The following RAD54L2 variants were observed in gnomAD, a reference collection of about 807,000 sequenced individuals.
RAD54L2 encodes the protein helicase ARIP4.
A neutral mutation model predicts 138.4 loss-of-function variants in RAD54L2; 27 were observed. The ratio of observed to expected loss-of-function variants is 0.20; its 90% CI spans 0.14 to 0.27. The LOEUF (loss-of-function observed/expected upper bound fraction) is 0.27, where lower values mean the gene tolerates loss of function less well. RAD54L2 is among the 10% of genes least tolerant of loss of function. The pLI, the probability that RAD54L2 is intolerant of heterozygous loss-of-function variation, is 1.00. For synonymous variants in RAD54L2, 644 were observed against 723.2 expected (o/e 0.89, Z 1.76); for missense variants, 1,396 against 1,890.2 (o/e 0.74, Z 4.85).
intron 3 of RAD54L2, among the ~76,000 whole-genome samples, chr3:51,606,047 G>A (rs898297891): frequency 6.6e-6 from 1 of 152,210 alleles, no homozygotes; most frequent in Non-Finnish European, 1.5e-5. Flanking sequence ...AGAGACCTGT[G>A]AGAGCACTGC....
chr3:51,646,300 G>A lies in RAD54L2; in HGVS notation c.2845G>A (p.Glu949Lys). The A allele has an allele frequency of 6.3e-7, 1 of 1,591,456 alleles. No individual in the cohort carries two copies. The change falls in exon 19 of 23, where the codon GAG becomes AAG. Residue 949 changes from glutamate to lysine, a missense_variant. Physicochemically the swap from Glu to Lys is moderately conservative, Grantham distance 56. Coordinates refer to ENST00000684192, the MANE Select transcript of RAD54L2 (RefSeq NM_015106.4). Reference protein sequence around the residue: ...HLITKEPFEHESLLLNRKDHK... With the variant: ...HLITKEPFEHKSLLLNRKDHK... ...GTGTCCCCAGGAGCCTTTCGAGCAT[G>A]AGTCATTGCTCTTGAACCGAAAGGA...
chr3:51,624,150 T>TTTTG (rs748897893), intron 3 of RAD54L2, among the ~76,000 whole-genome samples: 15 of 152,018 alleles, frequency 9.9e-5, no homozygotes, highest in African/African-American at 2.9e-4. Flanking sequence ...AGCAGCTGTT[T>TTTTG]TTTGTTTGTT....
At chr3:51,545,598 CAG>C (rs1322360050) in intron 2 of RAD54L2, among the ~76,000 whole-genome samples, 5 of 151,598 alleles carry the variant, frequency 3.3e-5, no homozygotes, top group Non-Finnish European at 7.4e-5. Flanking sequence ...TGTTTTGAGA[CAG>C]AGTCTCTCTC....
intron 7 of RAD54L2, 77 bp from the exon 8 acceptor site, chr3:51,633,500 A>G: frequency 1.4e-6 from 2 of 1,397,384 alleles, no homozygotes; most frequent in South Asian, 2.5e-5. Flanking sequence ...CTTAATTCTT[A>G]CTAATTACAA....
intron 2 of RAD54L2, among the ~76,000 whole-genome samples, chr3:51,546,031 T>C (rs1218711524): frequency 2.0e-5 from 3 of 147,966 alleles, no homozygotes; most frequent in Non-Finnish European, 4.5e-5. Context: ...CTCTGCCTCC[T>C]GGGTTCAAGT....
rs112589673 is a variant in RAD54L2, at chr3:51,645,398, A to G, written c.2656+169A>G. ...ATTGCTTAAAAGGTAATTGACCTCA[A>G]CTTGTTGAAGGTGAGTTTAATGATA... is the stretch of plus-strand genomic sequence containing the variant. On this transcript the variant is annotated intron_variant, in intron 17 of 22. Coordinates refer to ENST00000684192, the MANE Select transcript of RAD54L2 (RefSeq NM_015106.4). This position sits in a 1 kb window ranked among gnomAD's most constrained non-coding sequence, Gnocchi z 6.1. Among the ~76,000 whole-genome samples the G allele has an allele frequency of 5.1e-3, 775 of 152,320 alleles. 5 individuals carry two copies. The highest frequency in any genetic ancestry group is 0.017 in the African/African-American group (721 of 41,566).
At chr3:51,592,058 T>TTTG in intron 3 of RAD54L2, among the ~76,000 whole-genome samples, 1 of 112,496 alleles carries the variant, frequency 8.9e-6, no homozygotes, top group East Asian at 2.4e-4. Context: ...TTTGGTGTTT[T>TTTG]TTTTTTTTTT....
rs1457812443 is a variant in RAD54L2 at position 51,545,965 on chromosome 3, G to A, written c.-55+4315G>A. ...TTTTTTTTTTTTTTTTGGAGATGGC[G>A]TCTCACTCTGTAGCCCAGGCTGGAG... On this transcript the variant is annotated intron_variant, in intron 2 of 22. Transcript: ENST00000684192. 3.8e-5 allele frequency among the ~76,000 whole-genome samples: 5 copies of A among 132,450 alleles called. No homozygotes were observed. The South Asian group carries it at 7.1e-4, about 19-fold the overall frequency. 86.9% of individuals were successfully genotyped at this position (132,450 alleles called of 152,430 possible). A position where few individuals can be genotyped will look rare whatever the true frequency, so the allele number is the denominator to read the frequency against.
chr3:51,644,965 TG>T, intron 16 of RAD54L2, 58 bp from the exon 17 acceptor site: 1 of 1,583,998 alleles, frequency 6.3e-7, no homozygotes, highest in African/African-American at 1.3e-5. Flanking sequence ...AGGGCAAAAC[TG>T]ATTTGAAAAC....
At chr3:51,538,937 C>T (rs753223248) in intron 1 of RAD54L2, among the ~76,000 whole-genome samples, 22 bp downstream of exon 1, 11 of 152,304 alleles carry the variant, frequency 7.2e-5, no homozygotes, top group Non-Finnish European at 1.5e-4. Flanking sequence ...GTGCCGGTTC[C>T]TCGCTCCCGG....
At chr3:51,575,197 A>G (rs1001805959) in intron 2 of RAD54L2, among the ~76,000 whole-genome samples, 2 of 152,036 alleles carry the variant, frequency 1.3e-5, no homozygotes, top group Non-Finnish European at 2.9e-5. Flanking sequence ...GTTCTGTTCC[A>G]TTGGTCTATA....
intron 3 of RAD54L2, 104 bp downstream of exon 3, chr3:51,590,663 A>G (rs934098962): frequency 1.4e-6 from 2 of 1,469,632 alleles, no homozygotes; most frequent in South Asian, 1.2e-5. Flanking sequence ...TAGGCCATCC[A>G]TAGTGGGAAG....
chr3:51,645,641 G>A lies in RAD54L2; in HGVS notation c.2707G>A (p.Val903Met). The A allele has an allele frequency of 6.2e-7, 1 of 1,612,662 alleles. No homozygotes were observed. Among genetic ancestry groups the A allele is most frequent in the Non-Finnish European group, 8.5e-7 (1 of 1,179,400 alleles). Residue 903 changes from valine to methionine, a missense_variant, in exon 18 of 23, where the codon GTG becomes ATG. Physicochemically the swap from Val to Met is conservative, Grantham distance 21 (BLOSUM62 1). Transcript: ENST00000684192. The surrounding 1 kb of genome is among the most constrained non-coding windows in gnomAD (Gnocchi z 6.1). ...NPMLNFTRKE[V>M]ENLLHFVEKE... is the part of the protein sequence containing the mutation. ...AATGCTGAACTTCACACGGAAAGAG[G>A]TGGAAAACCTACTGCACTTTGTTGA...
At chr3:51,643,272 A>G (rs1701186667) in intron 15 of RAD54L2, among the ~76,000 whole-genome samples, 1 of 152,152 alleles carries the variant, frequency 6.6e-6, no homozygotes, top group Non-Finnish European at 1.5e-5. Context: ...TGACCTCGTG[A>G]TCTGCACGCC....
Position 51,663,034 on chromosome 3 carries a change from T to C in RAD54L2, c.4018T>C (p.Phe1340Leu). 1 of 1,613,956 alleles carries C rather than the reference T, an allele frequency of 6.2e-7. No individual in the cohort carries two copies. The highest frequency in any genetic ancestry group is 1.3e-5 in the African/African-American group (1 of 75,000). The change falls in exon 23 of 23, where the codon TTT (phenylalanine) becomes CTT (leucine). Residue 1340 changes from phenylalanine (F) to leucine (L), a missense_variant. By Grantham distance (22) the Phe-to-Leu change is conservative. Coordinates refer to ENST00000684192, the MANE Select transcript of RAD54L2 (RefSeq NM_015106.4). ...TTTGCTGGCAGATGCCCGCCTGGTG[T>C]TTCCAGTGACTACTGACCCTCTGGT... is the stretch of plus-strand genomic sequence containing the variant. Reference protein sequence around the residue: ...SNLLADARLVFPVTTDPLVPA... With the variant: ...SNLLADARLVLPVTTDPLVPA...
chr3:51,626,191 C>T (rs577007173), intron 3 of RAD54L2, among the ~76,000 whole-genome samples: 1 of 152,046 alleles, frequency 6.6e-6, no homozygotes, highest in South Asian at 2.1e-4. Context: ...CATTTATATT[C>T]TAGTTCTGAA....
chr3:51,597,665 TAA>T (rs1699992761), intron 3 of RAD54L2, among the ~76,000 whole-genome samples: 1 of 152,024 alleles, frequency 6.6e-6, no homozygotes, highest in Non-Finnish European at 1.5e-5. Flanking sequence ...CCATCTCTAC[TAA>T]AAATACAAAA....
chr3:51,599,914 G>C (rs538137663), intron 3 of RAD54L2, among the ~76,000 whole-genome samples: 3 of 151,488 alleles, frequency 2.0e-5, no homozygotes, highest in African/African-American at 7.3e-5. Context: ...TACTGTGCCT[G>C]GCCCCAAGTA....
intron 2 of RAD54L2, among the ~76,000 whole-genome samples, chr3:51,546,991 T>G (rs1320840386): frequency 6.6e-6 from 1 of 152,094 alleles, no homozygotes; most frequent in Non-Finnish European, 1.5e-5. Context: ...ATCTCACCAC[T>G]GCACTCCAAC....
Sources: gnomAD v4.1 joint callset for allele counts (sites outside exome capture counted in the v4.1 genomes callset) on GRCh38, gnomAD v4.1.1 for gene constraint, Gnocchi (gnomAD v3.1) non-coding constraint, MANE v1.5 for transcripts, NCBI Gene and HGNC (gene_info 2026-07-23, HGNC 2026-07-21) for gene names.